DDHD1: variants seen among roughly 807,000 people sequenced by gnomAD.
DDHD1 encodes the protein phospholipase DDHD1.
In DDHD1, 49 loss-of-function variants were observed where a neutral mutation model predicts 96.4. The ratio of observed to expected loss-of-function variants is 0.51; its 90% CI spans 0.40 to 0.64. The LOEUF (loss-of-function observed/expected upper bound fraction) is 0.64. DDHD1 is among the 30% of genes least tolerant of loss of function. DDHD1 has a pLI of 0.00. For missense variants in DDHD1, 1,106 were observed against 1,161.2 expected (o/e 0.95, Z 0.69); for synonymous variants, 442 against 446.5 (o/e 0.99, Z 0.13).
intron 1 of DDHD1, among the ~76,000 whole-genome samples, chr14:53,140,600 A>T (rs1890577842): frequency 6.6e-6 from 1 of 152,204 alleles, no homozygotes; most frequent in Non-Finnish European, 1.5e-5. Context: ...AGTATCCCTA[A>T]AAACTAATAT....
chr14:53,069,272 C>G (rs1394663196), intron 6 of DDHD1, among the ~76,000 whole-genome samples: 1 of 152,112 alleles, frequency 6.6e-6, no homozygotes, highest in Non-Finnish European at 1.5e-5. Flanking sequence ...GCTAGGTGTG[C>G]TCAATTAGGG....
At chr14:53,146,057 T>A (rs1205262749) in intron 1 of DDHD1, among the ~76,000 whole-genome samples, 1 of 151,550 alleles carries the variant, frequency 6.6e-6, no homozygotes, top group Admixed American at 6.6e-5. Context: ...AAATACACAA[T>A]TAGCCAGGCA....
chr14:53,110,649 G>A (rs757626438), intron 1 of DDHD1, among the ~76,000 whole-genome samples: 4 of 152,186 alleles, frequency 2.6e-5, no homozygotes, highest in South Asian at 2.1e-4. Context: ...CAGGTGTTAT[G>A]TCTTCATACA....
chr14:53,131,055 A>T (rs1051856320), intron 1 of DDHD1, among the ~76,000 whole-genome samples: 2 of 152,112 alleles, frequency 1.3e-5, no homozygotes, highest in Non-Finnish European at 2.9e-5. Flanking sequence ...CCAGGCTTCT[A>T]AACCTCTTAA....
chr14:53,051,744 G>A (rs1882588535), intron 12 of DDHD1, 100 bp downstream of exon 12: 11 of 885,370 alleles, frequency 1.2e-5, no homozygotes, highest in Non-Finnish European at 1.9e-5. Context: ...CTGAAGCTGG[G>A]ATCTCATAGA....
Position 53,153,195 on chromosome 14 carries a change from T to C in DDHD1, c.-97A>G, listed in dbSNP as rs1166779946. On this transcript the variant is annotated 5_prime_UTR_variant, in exon 1 of 13. Transcript: ENST00000673822. The stretch of plus-strand genomic sequence containing the variant: ...ACGCCGCCGCCCTCTCCACCCGAAG[T>C]TTCTAATCTTTCAAATCCCGACCCG... The C allele has an allele frequency of 1.8e-6, 2 of 1,112,060 alleles. No homozygotes were observed. The highest frequency in any genetic ancestry group is 4.2e-5 in the Admixed American group (1 of 23,886). The allele number at this position is 1,112,060 out of a possible 1,614,324, so 68.9% of individuals were successfully genotyped here.
intron 1 of DDHD1, among the ~76,000 whole-genome samples, chr14:53,105,201 G>C (rs1887593919): frequency 6.6e-6 from 1 of 151,858 alleles, no homozygotes; most frequent in South Asian, 2.1e-4. Context: ...TAAAGGCCTA[G>C]AACTGAAGAC....
intron 1 of DDHD1, among the ~76,000 whole-genome samples, chr14:53,141,308 T>G (rs1370997504): frequency 6.6e-6 from 1 of 152,226 alleles, no homozygotes; most frequent in Non-Finnish European, 1.5e-5. Context: ...TTGACTGAAC[T>G]GGTAATTCTC....
chr14:53,143,593 T>C (rs950068523), intron 1 of DDHD1, among the ~76,000 whole-genome samples: 1 of 152,078 alleles, frequency 6.6e-6, no homozygotes, highest in African/African-American at 2.4e-5. Flanking sequence ...GCTAGCGACT[T>C]AGAACTTTTT....
At chr14:53,074,832 T>A (rs970179812) in intron 4 of DDHD1, among the ~76,000 whole-genome samples, 2 of 152,168 alleles carry the variant, frequency 1.3e-5, no homozygotes, top group Non-Finnish European at 2.9e-5. Context: ...CAACCTTGCA[T>A]GGAGCAAGTC....
At chr14:53,086,226 C>T (rs1013509701) in intron 4 of DDHD1, among the ~76,000 whole-genome samples, 2 of 152,208 alleles carry the variant, frequency 1.3e-5, no homozygotes, top group Admixed American at 6.5e-5. Flanking sequence ...GGAAAACACT[C>T]TTTAGGATAT....
intron 8 of DDHD1, among the ~76,000 whole-genome samples, chr14:53,060,844 G>T (rs897586171): frequency 1.3e-5 from 2 of 151,888 alleles, no homozygotes; most frequent in Non-Finnish European, 2.9e-5. Context: ...GTAAACTTTT[G>T]CAGGCAAAAT....
chr14:53,057,674 C>T (rs926799321), intron 9 of DDHD1, among the ~76,000 whole-genome samples: 12 of 152,170 alleles, frequency 7.9e-5, no homozygotes, highest in Admixed American at 7.2e-4. Context: ...GTCTCTTGTA[C>T]TAACTGTCTG....
chr14:53,109,459 T>C (rs1004782296), intron 1 of DDHD1, among the ~76,000 whole-genome samples: 8 of 152,088 alleles, frequency 5.3e-5, no homozygotes, highest in Admixed American at 4.6e-4. Context: ...CTCACAGGTT[T>C]GTAGCAGCAA....
rs1276635533 is a variant in DDHD1 at position 53,152,814 on chromosome 14, C to G, written c.285G>C (p.Glu95Asp). 3 of 1,610,684 alleles carry G rather than the reference C, an allele frequency of 1.9e-6. No homozygotes were observed. Among genetic ancestry groups the G allele is most frequent in the Admixed American group, 3.3e-5 (2 of 59,834 alleles). ...TGTAGTAGCGCAGCGAGGAGCCCGA[C>G]TCGGCGGAGCTGAAGTCATAGTTCT... is the stretch of plus-strand genomic sequence containing the variant. ...SDENYDFSSA[E>D]SGSSLRYYSE... Residue 95 changes from glutamate to aspartate, a missense_variant, in exon 1 of 13, where the codon GAG (glutamate) becomes GAC (aspartate). Physicochemically the swap from Glu to Asp is conservative, Grantham distance 45. Around this residue, in one of 2 missense-constraint regions of DDHD1, gnomAD observed 456 missense variants for 402.4 expected, o/e 1.13. Coordinates refer to ENST00000673822, the MANE Select transcript of DDHD1 (RefSeq NM_001160148.2).
intron 4 of DDHD1, among the ~76,000 whole-genome samples, chr14:53,074,052 C>G (rs1350661062): frequency 6.6e-6 from 1 of 151,966 alleles, no homozygotes; most frequent in African/African-American, 2.4e-5. Flanking sequence ...AATTTGCCAT[C>G]TATGATTTCA....
chr14:53,113,146 T>C (rs969099215), intron 1 of DDHD1, among the ~76,000 whole-genome samples: 7 of 151,354 alleles, frequency 4.6e-5, no homozygotes, highest in African/African-American at 1.7e-4. Context: ...TTTTTTTTTT[T>C]AGTAGTTTCA....
At chr14:53,102,094 G>A (rs1466226677) in intron 2 of DDHD1, among the ~76,000 whole-genome samples, 4 of 151,870 alleles carry the variant, frequency 2.6e-5, no homozygotes, top group African/African-American at 7.3e-5. Context: ...AGAATACTTA[G>A]GGGAATTAAC....
intron 1 of DDHD1, among the ~76,000 whole-genome samples, chr14:53,118,382 C>T (rs1190200377): frequency 6.6e-6 from 1 of 152,136 alleles, no homozygotes; most frequent in Non-Finnish European, 1.5e-5. Context: ...GGAGCATGTT[C>T]TAACCCATCA....
Sources: allele counts gnomAD v4.1 joint callset (sites outside exome capture counted in the v4.1 genomes callset), GRCh38; gene constraint gnomAD v4.1.1; regional missense constraint gnomAD v4.1.1; transcripts MANE v1.5; gene names NCBI Gene and HGNC (gene_info 2026-07-23, HGNC 2026-07-21).